The following DNER variants were observed in gnomAD, a reference collection of about 807,000 sequenced individuals.
DNER encodes the protein delta/notch like EGF repeat containing.
A neutral mutation model predicts 78.2 loss-of-function variants in DNER; 33 were observed. The ratio of observed to expected loss-of-function variants is 0.42; its 90% CI spans 0.32 to 0.56. The LOEUF is 0.56. Ranked by LOEUF, DNER falls within the 20% of genes least tolerant of loss-of-function variation. The pLI, the probability that DNER is intolerant of heterozygous loss-of-function variation, is 0.11. For missense variants in DNER, 918 were observed against 975.3 expected (o/e 0.94, Z 0.78); for synonymous variants, 417 against 384.8 (o/e 1.08, Z -0.98).
chr2:229,410,505 GA>G (rs2106345628), intron 9 of DNER, among the ~76,000 whole-genome samples: 2 of 152,302 alleles, frequency 1.3e-5, no homozygotes, highest in Non-Finnish European at 2.9e-5. Context: ...TTTTGTCAGA[GA>G]AAACCAGGTC....
intron 4 of DNER, among the ~76,000 whole-genome samples, chr2:229,571,812 G>A (rs903879094): frequency 2.2e-4 from 34 of 151,810 alleles, no homozygotes; most frequent in African/African-American, 7.5e-4. Context: ...ACACAAGCAC[G>A]TCTAGAGTTG....
chr2:229,390,957 G>A (rs564542113), intron 10 of DNER, among the ~76,000 whole-genome samples: 40 of 152,242 alleles, frequency 2.6e-4, no homozygotes, highest in African/African-American at 9.4e-4. Context: ...GCATCTAGTT[G>A]AATCAGTTAT....
intron 6 of DNER, among the ~76,000 whole-genome samples, chr2:229,490,235 A>T (rs755839863): frequency 1.3e-5 from 2 of 152,210 alleles, no homozygotes; most frequent in Non-Finnish European, 2.9e-5. Context: ...TTAGAAGCAC[A>T]TGATCCTGGA....
chr2:229,674,402 C>T (rs895458340), intron 1 of DNER, among the ~76,000 whole-genome samples: 2 of 152,164 alleles, frequency 1.3e-5, no homozygotes, highest in African/African-American at 4.8e-5. Context: ...CATCAGCCTC[C>T]CAAGTAGCTA....
At chr2:229,442,809 G>C (rs2106360287) in intron 8 of DNER, among the ~76,000 whole-genome samples, 1 of 152,104 alleles carries the variant, frequency 6.6e-6, no homozygotes, top group East Asian at 1.9e-4. Flanking sequence ...GTGTCTTTCG[G>C]GACATACAGA....
chr2:229,371,440 G>T (rs977627541), intron 11 of DNER, among the ~76,000 whole-genome samples: 1 of 152,228 alleles, frequency 6.6e-6, no homozygotes, highest in African/African-American at 2.4e-5. Flanking sequence ...GCATGACCAG[G>T]AATGCATGTG....
chr2:229,703,934 AAG>A (rs749147731), intron 1 of DNER, among the ~76,000 whole-genome samples: 1 of 148,298 alleles, frequency 6.7e-6, no homozygotes, highest in Non-Finnish European at 1.5e-5. Flanking sequence ...AAAAAAAAAA[AAG>A]AAAGGGAAAG....
intron 6 of DNER, among the ~76,000 whole-genome samples, chr2:229,483,294 G>T (rs1329635184): frequency 6.6e-6 from 1 of 152,188 alleles, no homozygotes; most frequent in Non-Finnish European, 1.5e-5. Context: ...TCCATTAGCG[G>T]TATGAGTCTT....
intron 9 of DNER, among the ~76,000 whole-genome samples, chr2:229,410,795 A>G (rs1693495054): frequency 6.6e-6 from 1 of 152,248 alleles, no homozygotes; most frequent in South Asian, 2.1e-4. Context: ...TGTTGTTGTA[A>G]CAAATTTAGT....
At chr2:229,695,360 C>G (rs138203566) in intron 1 of DNER, among the ~76,000 whole-genome samples, 3 of 151,544 alleles carry the variant, frequency 2.0e-5, no homozygotes, top group Middle Eastern at 3.2e-3. Flanking sequence ...AGCATGTAAC[C>G]CTTCATGTAA....
intron 5 of DNER, among the ~76,000 whole-genome samples, chr2:229,539,332 A>G (rs1004328142): frequency 1.3e-5 from 2 of 152,170 alleles, no homozygotes; most frequent in African/African-American, 4.8e-5. Context: ...AGGGGAGTTC[A>G]CTGATGCTTT....
At chr2:229,656,985 C>CGTGT (rs1417445603) in intron 1 of DNER, among the ~76,000 whole-genome samples, 8,932 of 148,652 alleles carry the variant, frequency 0.06, 323 homozygotes, top group South Asian at 0.093. Flanking sequence ...ACAGTTACCA[C>CGTGT]GTGTGTGTGT....
chr2:229,704,856 C>G (rs533111306), intron 1 of DNER, among the ~76,000 whole-genome samples: 1 of 152,324 alleles, frequency 6.6e-6, no homozygotes, highest in African/African-American at 2.4e-5. Flanking sequence ...GTAGAAGAAG[C>G]AATACAGCTA....
chr2:229,616,306 G>C (rs372715164), intron 1 of DNER, among the ~76,000 whole-genome samples: 236 of 152,090 alleles, frequency 1.6e-3, no homozygotes, highest in African/African-American at 5.2e-3. Flanking sequence ...TTGTCCTATG[G>C]TTCCATGTGA....
intron 1 of DNER, among the ~76,000 whole-genome samples, chr2:229,680,834 C>T (rs1294031742): frequency 6.6e-6 from 1 of 152,184 alleles, no homozygotes; most frequent in Non-Finnish European, 1.5e-5. Context: ...ATATAGAGAA[C>T]AGTTCCAAAA....
chr2:229,668,083 C>T (rs1699125365), intron 1 of DNER, among the ~76,000 whole-genome samples: 1 of 152,134 alleles, frequency 6.6e-6, no homozygotes, highest in African/African-American at 2.4e-5. Context: ...ATACTTAAAG[C>T]ATTATAGAGA....
At chr2:229,580,298 T>C (rs763286042) in intron 4 of DNER, 16 of 152,184 alleles carry the variant, frequency 1.1e-4, no homozygotes, top group Non-Finnish European at 1.9e-4. Flanking sequence ...AGGACATTCT[T>C]ATCAGCCATG....
At chr2:229,516,237 T>C (rs370494041) in intron 5 of DNER, among the ~76,000 whole-genome samples, 16 of 152,220 alleles carry the variant, frequency 1.1e-4, no homozygotes, top group African/African-American at 2.9e-4. Flanking sequence ...CAAAGAGCTT[T>C]CCTATAATAT....
chr2:229,457,099 A>T (rs1478976946), intron 7 of DNER, among the ~76,000 whole-genome samples: 1 of 152,052 alleles, frequency 6.6e-6, no homozygotes, highest in Non-Finnish European at 1.5e-5. Flanking sequence ...GTTAATTAAG[A>T]TATTTTCTGA....
Sources: gnomAD v4.1 joint callset for allele counts (sites outside exome capture counted in the v4.1 genomes callset) on GRCh38, gnomAD v4.1.1 for gene constraint, MANE v1.5 for transcripts, NCBI Gene and HGNC (gene_info 2026-07-23, HGNC 2026-07-21) for gene names.